The following MAX variants were observed in gnomAD, a reference collection of about 807,000 sequenced individuals.
The protein encoded by MAX is MYC associated transcriptional regulator X, also known as protein max.
In MAX, 3 loss-of-function variants were observed where a neutral mutation model predicts 22.3. The ratio of observed to expected loss-of-function variants is 0.13; its 90% CI spans 0.06 to 0.35. MAX has a LOEUF of 0.35. Among genes scored for constraint, MAX ranks in the 10% least tolerant of loss-of-function variants. The probability of loss-of-function intolerance (pLI) is 1.00; values close to 1 mark genes in which losing one functional copy is unlikely to be tolerated. For missense variants in MAX, 119 were observed against 209.4 expected, an observed-to-expected ratio of 0.57 and a Z score of 2.66; for synonymous variants, 72 against 77.7, an observed-to-expected ratio of 0.93 and a Z score of 0.39.
In MAX at chr14:65,076,770, C is replaced by T. The variant is rs970319874; in HGVS notation, c.296-107G>A. 48 of 1,349,568 alleles carry T rather than the reference C, an allele frequency of 3.6e-5. No individual in the cohort carries two copies. The highest frequency in any genetic ancestry group is 4.3e-5 in the Non-Finnish European group (41 of 943,798). 83.6% of individuals were successfully genotyped at this position (1,349,568 alleles called of 1,614,324 possible). On this transcript the variant is annotated intron_variant, in intron 4 of 4. Coordinates refer to ENST00000358664, the MANE Select transcript of MAX (RefSeq NM_002382.5). The surrounding 1 kb of genome is among the most constrained non-coding windows in gnomAD (Gnocchi z 6.6). ...TTCTTCCTAAGGGCTTGCTTGTTGGCCCCCGAGGCTCAAGATGCTCAGAAG... is the reference window on the plus strand; with the variant it reads ...TTCTTCCTAAGGGCTTGCTTGTTGGTCCCCGAGGCTCAAGATGCTCAGAAG...
Position 65,102,479 on chromosome 14 carries a change from A to C in MAX, c.-140T>G. ...CACTCACTCACTCGCTCTCTCACTC[A>C]CACACACACACAACACGGGCAAGAA... On this transcript the variant is annotated 5_prime_UTR_variant, in exon 1 of 5. Transcript: ENST00000358664. The C allele has an allele frequency of 6.9e-7, 1 of 1,439,196 alleles. No individual in the cohort carries two copies. Among genetic ancestry groups the C allele is most frequent in the South Asian group, 1.4e-5 (1 of 74,036 alleles). 89.2% of individuals were successfully genotyped at this position (1,439,196 alleles called of 1,614,324 possible).
rs2062694252 is a variant in MAX at position 65,054,811 on chromosome 14, C to T, written c.171+38897G>A. 9.1e-7 allele frequency: 1 copy of T among 1,100,148 alleles called. No individual in the cohort carries two copies. The highest frequency in any genetic ancestry group is 1.6e-5 in the African/African-American group (1 of 64,296). 68.1% of individuals were successfully genotyped at this position (1,100,148 alleles called of 1,614,324 possible). A position where few individuals can be genotyped will look rare whatever the true frequency, so the allele number is the denominator to read the frequency against. ...GGACAGGCGGAAGCTTGTGGTCCCT[C>T]TGCCCTTCGAGCTGTGCAGCCGTTA... On this transcript the variant is annotated intron_variant, in intron 3 of 3. Coordinates refer to the MAX transcript ENST00000341653. This position sits in a 1 kb window ranked among gnomAD's most constrained non-coding sequence, Gnocchi z 4.4.
At chr14:65,074,236 G>T (rs891728949), downstream of MAX, among the ~76,000 whole-genome samples, 1 of 152,212 alleles carries the variant, frequency 6.6e-6, no homozygotes, top group Non-Finnish European at 1.5e-5. Flanking sequence ...GCAATAAGCT[G>T]ATTCTCATTT....
intron 3 of MAX, among the ~76,000 whole-genome samples, chr14:65,045,278 G>A (rs955575112): frequency 6.6e-6 from 1 of 152,166 alleles, no homozygotes; most frequent in Non-Finnish European, 1.5e-5. Flanking sequence ...TTTGGAATGA[G>A]ATCCCTGGGT....
intron 3 of MAX, among the ~76,000 whole-genome samples, chr14:65,051,438 A>G (rs2139667850): frequency 6.6e-6 from 1 of 152,152 alleles, no homozygotes; most frequent in African/African-American, 2.4e-5. Flanking sequence ...TAGTGAAACC[A>G]TGTCTCTACT....
Position 65,047,146 on chromosome 14 carries a change from C to A in MAX, c.172-40862G>T, listed in dbSNP as rs1252309096. On this transcript the variant is annotated intron_variant, in intron 3 of 3. Coordinates refer to the MAX transcript ENST00000341653. This position sits in a 1 kb window ranked among gnomAD's most constrained non-coding sequence, Gnocchi z 5.2. ...ACTTTTTCTACTACAACTGCCACTA[C>A]TACTGGTAGCGGAGTCTTCCCAAGC... Among the ~76,000 whole-genome samples, 1 of 152,228 alleles carries A rather than the reference C, an allele frequency of 6.6e-6. No individual in the cohort carries two copies. Among genetic ancestry groups the A allele is most frequent in the African/African-American group, 2.4e-5 (1 of 41,460 alleles).
At chr14:65,070,807 G>A (rs2062980375), downstream of MAX, among the ~76,000 whole-genome samples, 1 of 152,214 alleles carries the variant, frequency 6.6e-6, no homozygotes, top group South Asian at 2.1e-4. The surrounding 1 kb of genome is among the most constrained non-coding windows in gnomAD (Gnocchi z 4.4). Context: ...AGAAACACGG[G>A]GCAGACACCA....
Position 65,054,593 on chromosome 14 carries a change from C to T in MAX, c.171+39115G>A. 2 of 1,613,544 alleles carry T rather than the reference C, an allele frequency of 1.2e-6. No individual in the cohort carries two copies. Among genetic ancestry groups the T allele is most frequent in the Non-Finnish European group, 1.7e-6 (2 of 1,179,798 alleles). ...CTTACAGGTCGCGTGATTTCTACCACACCTGCTACTGCCTGAGCGGCCTGT... is the reference window on the plus strand; with the variant it reads ...CTTACAGGTCGCGTGATTTCTACCATACCTGCTACTGCCTGAGCGGCCTGT... On this transcript the variant is annotated intron_variant, in intron 3 of 3. Coordinates refer to the MAX transcript ENST00000341653. The surrounding 1 kb of genome is among the most constrained non-coding windows in gnomAD (Gnocchi z 4.4).
At chr14:65,066,862 C>CCA (rs1555339319) in intron 3 of MAX, among the ~76,000 whole-genome samples, 2 of 88,854 alleles carry the variant, frequency 2.3e-5, no homozygotes, top group Non-Finnish European at 4.3e-5. Flanking sequence ...AATTCCATCT[C>CCA]AAAAAAAAAA....
Position 65,027,558 on chromosome 14 carries a change from G to T in MAX, c.172-21274C>A. 6.2e-7 allele frequency: 1 copy of T among 1,614,214 alleles called. No individual in the cohort carries two copies. Among genetic ancestry groups the T allele is most frequent in the East Asian group, 2.2e-5 (1 of 44,890 alleles). On this transcript the variant is annotated intron_variant, in intron 3 of 3. Coordinates refer to the MAX transcript ENST00000341653. This position sits in a 1 kb window ranked among gnomAD's most constrained non-coding sequence, Gnocchi z 5.7. ...CCACATATGCAGCAGTCAATGCATTGTGCATCATTGGCACCGAGGAGGCCT... is the reference window on the plus strand; with the variant it reads ...CCACATATGCAGCAGTCAATGCATTTTGCATCATTGGCACCGAGGAGGCCT...
At chr14:65,094,268 T>C (rs1371940694) in intron 2 of MAX, 7 of 240,208 alleles carry the variant, frequency 2.9e-5, no homozygotes, top group African/African-American at 1.6e-4. Flanking sequence ...GTTAAGTCAC[T>C]GGTGCTTCTT....
chr14:65,038,502 G>A (rs2062266762), intron 3 of MAX, among the ~76,000 whole-genome samples: 1 of 151,872 alleles, frequency 6.6e-6, no homozygotes, highest in Admixed American at 6.6e-5. Context: ...GGCAGATCAC[G>A]AGGTCAGGAG....
intron 3 of MAX, among the ~76,000 whole-genome samples, chr14:65,039,849 A>C (rs996289929): frequency 6.6e-6 from 1 of 152,204 alleles, no homozygotes; most frequent in Non-Finnish European, 1.5e-5. Flanking sequence ...TTTTTGAACA[A>C]ATAGAAAAAC....
At position 65,032,724 on chromosome 14, in the gene MAX, C is replaced by A. The variant is rs1387164137; in HGVS notation, c.172-26440G>T. 6.2e-7 allele frequency: 1 copy of A among 1,603,910 alleles called. No individual in the cohort carries two copies. Among genetic ancestry groups the A allele is most frequent in the East Asian group, 2.2e-5 (1 of 44,578 alleles). On this transcript the variant is annotated intron_variant, in intron 3 of 3. Transcript: ENST00000341653. This position sits in a 1 kb window ranked among gnomAD's most constrained non-coding sequence, Gnocchi z 5.0. ...GAGAGAAGCCAGGGTTTCTCCTGGC[C>A]TCTTGGAGAGCAGGCGGTCACGACA...
At chr14:65,042,106 G>A (rs932490263) in intron 3 of MAX, among the ~76,000 whole-genome samples, 20 of 151,910 alleles carry the variant, frequency 1.3e-4, no homozygotes, top group Non-Finnish European at 2.4e-4. Context: ...ATAAATGTTA[G>A]TGTCCCTCTA....
chr14:65,048,941 A>G (rs1418143174), intron 3 of MAX, among the ~76,000 whole-genome samples: 1 of 152,170 alleles, frequency 6.6e-6, no homozygotes, highest in Non-Finnish European at 1.5e-5. Flanking sequence ...CCTGGCCAAC[A>G]TGGTGAAACC....
rs984982262 is a variant in MAX at position 65,070,008 on chromosome 14, G to A, written c.171+23700C>T. Among the ~76,000 whole-genome samples the A allele has an allele frequency of 3.9e-5, 6 of 152,226 alleles. No individual in the cohort carries two copies. The highest frequency in any genetic ancestry group is 1.4e-4 in the African/African-American group (6 of 41,460). On this transcript the variant is annotated intron_variant, in intron 3 of 3. Transcript: ENST00000341653. This position sits in a 1 kb window ranked among gnomAD's most constrained non-coding sequence, Gnocchi z 4.4. ...CTGCCCCTGCCACCCCAGAGCTGTT[G>A]ATGGCACCAGCAGACAGGAAACAAT...
rs187576022 is a variant in MAX, at chr14:65,084,851, T to G, written c.172-6815A>C. Among the ~76,000 whole-genome samples the G allele has an allele frequency of 6.6e-6, 1 of 152,236 alleles. No homozygotes were observed. Among genetic ancestry groups the G allele is most frequent in the African/African-American group, 2.4e-5 (1 of 41,460 alleles). The stretch of plus-strand genomic sequence containing the variant: ...GATAACACTATATTTCCTTGCTTGT[T>G]AGACTCCATCAATAAATCCATGGAT... On this transcript the variant is annotated intron_variant, in intron 3 of 4. Transcript: ENST00000358664. This position sits in a 1 kb window ranked among gnomAD's most constrained non-coding sequence, Gnocchi z 4.3.
intron 3 of MAX, among the ~76,000 whole-genome samples, chr14:65,042,504 G>A (rs1048463116): frequency 6.6e-6 from 1 of 152,172 alleles, no homozygotes; most frequent in Admixed American, 6.5e-5. Flanking sequence ...GTCAGGAAGT[G>A]GAGCTCAGGC....
Sources: allele counts gnomAD v4.1 joint callset (sites outside exome capture counted in the v4.1 genomes callset), GRCh38; gene constraint gnomAD v4.1.1; non-coding constraint Gnocchi (gnomAD v3.1); transcripts MANE v1.5; gene names NCBI Gene and HGNC (gene_info 2026-07-23, HGNC 2026-07-21).